GLG1: variants seen among roughly 807,000 people sequenced by gnomAD.
GLG1 encodes the protein golgi glycoprotein 1.
GLG1 carries 38 observed loss-of-function variants against 160.5 expected under a neutral mutation model. The observed-to-expected ratio is 0.24, with a 90% CI of 0.18 to 0.31. The LOEUF is 0.31. Among genes scored for constraint, GLG1 ranks in the 10% least tolerant of loss-of-function variants. GLG1 has a pLI of 1.00. For missense variants in GLG1, 1,373 were observed against 1,505.2 expected (o/e 0.91, Z 1.45); for synonymous variants, 644 against 543.4 (o/e 1.19, Z -2.57).
At chr16:74,567,865 G>A (rs1439025899) in intron 1 of GLG1, among the ~76,000 whole-genome samples, 1 of 152,048 alleles carries the variant, frequency 6.6e-6, no homozygotes, top group African/African-American at 2.4e-5. Context: ...ACCGCGCCCG[G>A]CCATATGGTG....
At chr16:74,514,210 C>A (rs2016904916) in intron 2 of GLG1, among the ~76,000 whole-genome samples, 1 of 152,156 alleles carries the variant, frequency 6.6e-6, no homozygotes, top group Non-Finnish European at 1.5e-5. Context: ...AGTTAGAAAA[C>A]AATCTTCAGG....
At chr16:74,546,219 G>A (rs527787031) in intron 1 of GLG1, among the ~76,000 whole-genome samples, 1 of 152,282 alleles carries the variant, frequency 6.6e-6, no homozygotes, top group East Asian at 1.9e-4. Flanking sequence ...TGGGCAGACT[G>A]CTTGAGCCCA....
At chr16:74,523,747 T>C (rs1398435540) in intron 2 of GLG1, among the ~76,000 whole-genome samples, 2 of 152,066 alleles carry the variant, frequency 1.3e-5, no homozygotes, top group East Asian at 1.9e-4. Flanking sequence ...GTTAATAATA[T>C]ATAAAAGTAC....
At chr16:74,482,790 A>G (rs193077608) in intron 10 of GLG1, among the ~76,000 whole-genome samples, 1 of 152,288 alleles carries the variant, frequency 6.6e-6, no homozygotes, top group East Asian at 1.9e-4. Context: ...CCTGACTTCC[A>G]AAGTCGTGGT....
At chr16:74,562,511 G>A (rs140816281) in intron 1 of GLG1, among the ~76,000 whole-genome samples, 2,831 of 152,276 alleles carry the variant, frequency 0.019, 36 homozygotes, top group Non-Finnish European at 0.027. Context: ...CCAGGCTGGA[G>A]AGCAGTGGTG....
rs189688458 is a variant in GLG1 at position 74,522,583 on chromosome 16, T to C, written c.471+9538A>G. ...CCACTGGCTTTTCTTTGTTGCTCTGTGTGACTTCTTTACATATTCTGGATA... is the reference window on the plus strand; with the variant it reads ...CCACTGGCTTTTCTTTGTTGCTCTGCGTGACTTCTTTACATATTCTGGATA... On this transcript the variant is annotated intron_variant, in intron 2 of 25. Coordinates refer to ENST00000422840, the MANE Select transcript of GLG1 (RefSeq NM_001145667.2). Among the ~76,000 whole-genome samples the C allele has an allele frequency of 2.0e-3, 310 of 152,344 alleles. 1 individual carries two copies. The highest frequency in any genetic ancestry group is 3.1e-3 in the Non-Finnish European group (211 of 68,032).
chr16:74,456,857 A>C (rs1321909046), intron 24 of GLG1, 102 bp from the exon 25 acceptor site: 1 of 757,332 alleles, frequency 1.3e-6, no homozygotes, highest in Non-Finnish European at 2.3e-6. Context: ...GAGAATTCAG[A>C]TCTGCAGGCT....
intron 2 of GLG1, among the ~76,000 whole-genome samples, chr16:74,525,143 G>T (rs987628347): frequency 1.2e-4 from 18 of 152,044 alleles, no homozygotes; most frequent in African/African-American, 4.1e-4. Flanking sequence ...AAATGTGTCA[G>T]CTCTCTTGGG....
intron 1 of GLG1, among the ~76,000 whole-genome samples, chr16:74,535,813 A>C (rs2017671715): frequency 2.6e-5 from 4 of 152,202 alleles, no homozygotes; most frequent in Admixed American, 2.6e-4. Context: ...TTATGATGTT[A>C]GGTCTTTGAG....
At chr16:74,476,126 G>A (rs886482242) in intron 12 of GLG1, among the ~76,000 whole-genome samples, 1 of 151,920 alleles carries the variant, frequency 6.6e-6, no homozygotes, top group Non-Finnish European at 1.5e-5. Context: ...AGGTTGCAGT[G>A]AGCCGAGATC....
chr16:74,454,449 T>C (rs1261323610), intron 25 of GLG1, among the ~76,000 whole-genome samples: 1 of 150,982 alleles, frequency 6.6e-6, no homozygotes, highest in Non-Finnish European at 1.5e-5. Flanking sequence ...TGGTGGACCA[T>C]GAAGTCAGGA....
chr16:74,592,968 G>A (rs79698525), intron 1 of GLG1, among the ~76,000 whole-genome samples: 3,415 of 152,136 alleles, frequency 0.022, 110 homozygotes, highest in African/African-American at 0.072. Context: ...CCTTATCTCC[G>A]TGATCCTGGG....
intron 1 of GLG1, among the ~76,000 whole-genome samples, chr16:74,604,174 G>A (rs1018146678): frequency 1.3e-5 from 2 of 152,080 alleles, no homozygotes; most frequent in African/African-American, 2.4e-5. Flanking sequence ...GGATGACAGA[G>A]CGAGACCCTG....
At chr16:74,552,582 G>A in intron 1 of GLG1, 1 of 230,282 alleles carries the variant, frequency 4.3e-6, no homozygotes, top group Non-Finnish European at 8.9e-6. Context: ...AGGTCTGGAG[G>A]GTGAGCAACC....
At chr16:74,459,592 T>C in intron 23 of GLG1, 90 bp downstream of exon 23, 1 of 711,696 alleles carries the variant, frequency 1.4e-6, no homozygotes, top group Non-Finnish European at 2.4e-6. Context: ...TTTGGTTTTA[T>C]TACCAAGGTA....
chr16:74,510,913 T>C (rs2016784088), intron 2 of GLG1, among the ~76,000 whole-genome samples: 1 of 152,152 alleles, frequency 6.6e-6, no homozygotes, highest in Admixed American at 6.5e-5. Flanking sequence ...AGGGAAGATT[T>C]ACCATAGAAA....
Position 74,583,419 on chromosome 16 carries a change from C to T in GLG1, c.438+23238G>A, listed in dbSNP as rs552632409. 4.6e-5 allele frequency among the ~76,000 whole-genome samples: 7 copies of T among 152,258 alleles called. No homozygotes were observed. In the South Asian group the frequency reaches 1.5e-3, roughly 32 times the overall value. ...GTTGGGCGCAGAGTTTCGCTCTTGT[C>T]CCCCAAGCTGGAGTGCAATAGCGTG... On this transcript the variant is annotated intron_variant, in intron 1 of 25. Coordinates refer to ENST00000422840, the MANE Select transcript of GLG1 (RefSeq NM_001145667.2).
chr16:74,465,479 G>C (rs1413523961), intron 19 of GLG1, among the ~76,000 whole-genome samples, 197 bp downstream of exon 19: 1 of 152,170 alleles, frequency 6.6e-6, no homozygotes. Context: ...CAGACTTCGT[G>C]CTCTACTCCC....
At chr16:74,481,807 C>A (rs919815900) in intron 10 of GLG1, among the ~76,000 whole-genome samples, 2 of 151,728 alleles carry the variant, frequency 1.3e-5, no homozygotes, top group Non-Finnish European at 1.5e-5. Context: ...TTTTTTGAGA[C>A]GGAGTCTCGC....
Sources: allele counts gnomAD v4.1 joint callset (sites outside exome capture counted in the v4.1 genomes callset), GRCh38; gene constraint gnomAD v4.1.1; transcripts MANE v1.5; gene names NCBI Gene and HGNC (gene_info 2026-07-23, HGNC 2026-07-21).